Variants in FER1L6 observed in about 807,000 individuals in gnomAD.
FER1L6 encodes fer-1-like protein 6.
FER1L6 carries 177 observed loss-of-function variants against 219.2 expected under a neutral mutation model. The observed-to-expected ratio is 0.81, with a 90% CI of 0.71 to 0.91. FER1L6 has a LOEUF of 0.91. Ranked by LOEUF, FER1L6 falls within the 40% of genes least tolerant of loss-of-function variation. The pLI is 0.00. For synonymous variants in FER1L6, 768 were observed against 824.3 expected (o/e 0.93, Z 1.17); for missense variants, 2,153 against 2,259.9 (o/e 0.95, Z 0.96).
intron 17 of FER1L6, among the ~76,000 whole-genome samples, chr8:124,021,961 A>T (rs1051452743): frequency 2.0e-5 from 3 of 152,252 alleles, no homozygotes; most frequent in African/African-American, 7.2e-5. Context: ...GTTTTCAACT[A>T]TAAAAGGATT....
At chr8:124,044,148 C>T (rs974133584) in intron 20 of FER1L6, among the ~76,000 whole-genome samples, 10 of 152,222 alleles carry the variant, frequency 6.6e-5, no homozygotes, top group African/African-American at 7.2e-5. Context: ...TGGTATTACG[C>T]TGTCAAGTGC....
Position 123,975,200 on chromosome 8 carries a change from A to T in FER1L6, c.577A>T (p.Arg193Trp). The T allele has an allele frequency of 6.2e-7, 1 of 1,612,574 alleles. No homozygotes were observed. The highest frequency in any genetic ancestry group is 8.5e-7 in the Non-Finnish European group (1 of 1,179,666). The change falls in exon 8 of 41, where the codon AGG (arginine) becomes TGG (tryptophan). Residue 193 changes from arginine to tryptophan, a missense_variant. Coordinates refer to ENST00000522917, the MANE Select transcript of FER1L6 (RefSeq NM_001039112.2). ...CCTGCTCACAGACCCTGGTGACATCAGGACTGGCACCAAGGGGTACCTGAA... is the reference window on the plus strand; with the variant it reads ...CCTGCTCACAGACCCTGGTGACATCTGGACTGGCACCAAGGGGTACCTGAA... ...WALLTDPGDI[R>W]TGTKGYLKCD...
At chr8:124,088,333 C>T (rs546547638) in intron 33 of FER1L6, among the ~76,000 whole-genome samples, 2 of 152,230 alleles carry the variant, frequency 1.3e-5, no homozygotes, top group South Asian at 4.1e-4. Context: ...TGAGTACTGC[C>T]TGGCTACTGC....
Position 124,064,418 on chromosome 8 carries a change from C to G in FER1L6, c.3400C>G (p.His1134Asp). The G allele has an allele frequency of 6.2e-7, 1 of 1,613,672 alleles. No individual in the cohort carries two copies. Among genetic ancestry groups the G allele is most frequent in the Non-Finnish European group, 8.5e-7 (1 of 1,179,852 alleles). The change falls in exon 26 of 41, where the codon CAC becomes GAC. Residue 1134 changes from histidine to aspartate, a missense_variant. By Grantham distance (81) the His-to-Asp change is moderately conservative (BLOSUM62 -1). Coordinates refer to ENST00000522917, the MANE Select transcript of FER1L6 (RefSeq NM_001039112.2). ...HSSSQDPPAD[H>D]IYVDVEPPPT... ...CTCCTCCCAGGATCCCCCAGCAGAT[C>G]ACATTTATGTGGATGTTGAGCCACC...
intron 2 of FER1L6, among the ~76,000 whole-genome samples, chr8:123,959,153 C>T (rs1815156904): frequency 6.6e-6 from 1 of 152,128 alleles, no homozygotes; most frequent in East Asian, 1.9e-4. Context: ...AAAGCAGTAA[C>T]TCAATAAATT....
At chr8:124,113,896 G>C (rs1823121557) in intron 39 of FER1L6, among the ~76,000 whole-genome samples, 1 of 152,200 alleles carries the variant, frequency 6.6e-6, no homozygotes, top group African/African-American at 2.4e-5. Context: ...TAGTGATGCT[G>C]TGTTTGCTCA....
At chr8:124,026,662 A>G (rs1406150238) in intron 18 of FER1L6, among the ~76,000 whole-genome samples, 2 of 152,140 alleles carry the variant, frequency 1.3e-5, no homozygotes. Context: ...TAGCTAAATT[A>G]AATAGCCTCT....
At chr8:124,092,744 T>C (rs1822091265) in intron 34 of FER1L6, among the ~76,000 whole-genome samples, 1 of 152,050 alleles carries the variant, frequency 6.6e-6, no homozygotes. Context: ...GCTTGGCTTC[T>C]GGGGAGGCCT....
chr8:124,067,338 G>A (rs540034626), intron 27 of FER1L6, among the ~76,000 whole-genome samples: 5 of 152,258 alleles, frequency 3.3e-5, no homozygotes, highest in Admixed American at 3.3e-4. Context: ...CTTCCTGTGA[G>A]AACTCAGCCC....
At chr8:124,070,079 A>G (rs757033054) in intron 29 of FER1L6, among the ~76,000 whole-genome samples, 7 of 152,186 alleles carry the variant, frequency 4.6e-5, no homozygotes, top group Non-Finnish European at 8.8e-5. Context: ...AAAAACAAAT[A>G]TTCCATCGCC....
At chr8:124,021,506 C>A in intron 16 of FER1L6, 44 bp from the exon 17 acceptor site, 1 of 1,607,760 alleles carries the variant, frequency 6.2e-7, no homozygotes, top group Non-Finnish European at 8.5e-7. Context: ...TGCTTGTTGT[C>A]CAGATCTCTC....
chr8:124,020,343 A>G (rs751030122), intron 16 of FER1L6, among the ~76,000 whole-genome samples: 4 of 152,128 alleles, frequency 2.6e-5, no homozygotes, highest in Non-Finnish European at 4.4e-5. Flanking sequence ...CACCGGCTTT[A>G]GGATGGACAA....
rs1366437693 is a variant in FER1L6, at chr8:123,943,293, T to C, written c.-7-12699T>C. 2.6e-5 allele frequency among the ~76,000 whole-genome samples: 4 copies of C among 152,342 alleles called. No homozygotes were observed. The East Asian group carries it at 7.7e-4, about 29-fold the overall frequency. ...GTGGCTGGACCCAGGGCATTGACAC[T>C]GTCTGGAGCTAGGGCTCTTTTGAGT... On this transcript the variant is annotated intron_variant, in intron 1 of 40. Transcript: ENST00000522917.
At chr8:124,094,164 C>T (rs1414719376) in intron 34 of FER1L6, among the ~76,000 whole-genome samples, 1 of 152,132 alleles carries the variant, frequency 6.6e-6, no homozygotes, top group Non-Finnish European at 1.5e-5. Flanking sequence ...TATGGATGGA[C>T]ATTGTGCCCA....
At chr8:124,025,852 A>T (rs1038531473) in intron 18 of FER1L6, among the ~76,000 whole-genome samples, 3 of 151,800 alleles carry the variant, frequency 2.0e-5, no homozygotes, top group African/African-American at 7.3e-5. Flanking sequence ...TGATTCTTAG[A>T]ATGAACATTT....
Position 124,101,968 on chromosome 8 carries a change from G to A in FER1L6, c.5125+630G>A, listed in dbSNP as rs532309579. 1.9e-4 allele frequency among the ~76,000 whole-genome samples: 29 copies of A among 152,292 alleles called. 1 individual carries two copies. The highest frequency in any genetic ancestry group is 6.8e-3 in the Middle Eastern group (2 of 294). ...GGCAGATTCAAAGATTTTCCAATTG[G>A]AAATTGGTTATTGTCTAAAAACCTG... On this transcript the variant is annotated intron_variant, in intron 38 of 40. Transcript: ENST00000522917.
intron 1 of FER1L6, among the ~76,000 whole-genome samples, chr8:123,938,063 C>G (rs1194323918): frequency 6.6e-6 from 1 of 152,206 alleles, no homozygotes; most frequent in Non-Finnish European, 1.5e-5. Flanking sequence ...TGTAGGTCAT[C>G]AACAGCAATG....
At chr8:123,953,967 G>GTTC (rs1814900700) in intron 1 of FER1L6, among the ~76,000 whole-genome samples, 7 of 152,164 alleles carry the variant, frequency 4.6e-5, no homozygotes, top group Admixed American at 4.6e-4. Flanking sequence ...TTAGGATGAT[G>GTTC]TTCTCATCAG....
intron 21 of FER1L6, chr8:124,046,155 A>G: frequency 2.5e-6 from 1 of 395,724 alleles, no homozygotes; most frequent in Non-Finnish European, 4.6e-6. Flanking sequence ...GGTTTACAGA[A>G]CGTCAGTCTA....
Sources: gnomAD v4.1 joint callset for allele counts (sites outside exome capture counted in the v4.1 genomes callset) on GRCh38, gnomAD v4.1.1 for gene constraint, MANE v1.5 for transcripts, NCBI Gene and HGNC (gene_info 2026-07-23, HGNC 2026-07-21) for gene names.